Variants in CNOT6L observed in about 807,000 individuals in gnomAD.
CNOT6L encodes the protein CCR4-NOT transcription complex subunit 6-like.
CNOT6L carries 7 observed loss-of-function variants against 64.0 expected under a neutral mutation model. That is an observed-to-expected ratio of 0.11 (90% CI 0.06 to 0.21). The LOEUF is 0.21. Among genes scored for constraint, CNOT6L ranks in the 10% least tolerant of loss-of-function variants. CNOT6L has a pLI of 1.00. For synonymous variants in CNOT6L, 193 were observed against 243.4 expected, an observed-to-expected ratio of 0.79 and a Z score of 1.93; for missense variants, 245 against 669.0, an observed-to-expected ratio of 0.37 and a Z score of 6.99.
intron 11 of CNOT6L, among the ~76,000 whole-genome samples, chr4:77,721,449 C>A (rs1274931970): frequency 6.6e-6 from 1 of 152,100 alleles, no homozygotes; most frequent in African/African-American, 2.4e-5. Context: ...ATCAAGATAG[C>A]CTGAGCCCAA....
chr4:77,723,709 C>T (rs1300078364), intron 11 of CNOT6L, among the ~76,000 whole-genome samples: 1 of 152,122 alleles, frequency 6.6e-6, no homozygotes, highest in Non-Finnish European at 1.5e-5. Flanking sequence ...TACCTTTATC[C>T]TTCTCTCTGA....
chr4:77,734,635 C>T (rs867562806), intron 8 of CNOT6L, among the ~76,000 whole-genome samples: 1 of 152,144 alleles, frequency 6.6e-6, no homozygotes, highest in Non-Finnish European at 1.5e-5. Flanking sequence ...GCAATCTTTA[C>T]CTCAGTTAAG....
chr4:77,766,003 G>C (rs1726776958), intron 4 of CNOT6L, among the ~76,000 whole-genome samples: 1 of 152,086 alleles, frequency 6.6e-6, no homozygotes, highest in Non-Finnish European at 1.5e-5. Flanking sequence ...CTTTTTCTCT[G>C]ACCCAGGAAT....
intron 4 of CNOT6L, among the ~76,000 whole-genome samples, chr4:77,768,071 G>C (rs1727067418): frequency 6.6e-6 from 1 of 150,950 alleles, no homozygotes; most frequent in African/African-American, 2.4e-5. Flanking sequence ...TGATACAAGA[G>C]AATATATTTC....
intron 8 of CNOT6L, among the ~76,000 whole-genome samples, chr4:77,740,654 C>T (rs777731168): frequency 1.3e-5 from 2 of 152,062 alleles, no homozygotes; most frequent in Non-Finnish European, 2.9e-5. Context: ...ATAAACAATT[C>T]GAAAAGGCTG....
At chr4:77,776,444 A>G in intron 1 of CNOT6L, 52 bp from the exon 2 acceptor site, 1 of 1,306,366 alleles carries the variant, frequency 7.7e-7, no homozygotes, top group South Asian at 1.4e-5. Context: ...TCTTACTTTA[A>G]AAAAAGAGAA....
At chr4:77,797,540 A>G (rs1010676622) in intron 1 of CNOT6L, among the ~76,000 whole-genome samples, 1 of 152,234 alleles carries the variant, frequency 6.6e-6, no homozygotes, top group Non-Finnish European at 1.5e-5. Flanking sequence ...AGTGTGTTTA[A>G]GAAACCCTTA....
chr4:77,720,667 A>T lies in CNOT6L; in HGVS notation c.1456-24T>A, dbSNP rs1260885595. ...CCCTGGAAAGAGATTGGGAATAGGA[A>T]AAAAAGAAAAATTCAAGATATATAA... On this transcript the variant is annotated intron_variant, in intron 11 of 11. Transcript: ENST00000504123. The T allele has an allele frequency of 4.3e-6, 7 of 1,609,200 alleles. No homozygotes were observed. In the African/African-American group the frequency reaches 9.4e-5, roughly 22 times the overall value.
rs1721146116 is a variant in CNOT6L, at chr4:77,720,292, A to G, written c.*139T>C. The G allele has an allele frequency of 1.7e-5, 15 of 894,896 alleles. No homozygotes were observed. Among genetic ancestry groups the G allele is most frequent in the South Asian group, 1.5e-4 (8 of 53,532 alleles). The allele number at this position is 894,896 out of a possible 1,614,324, so 55.4% of individuals were successfully genotyped here. On this transcript the variant is annotated 3_prime_UTR_variant, in exon 12 of 12. Coordinates refer to ENST00000504123, the MANE Select transcript of CNOT6L (RefSeq NM_144571.3). The stretch of plus-strand genomic sequence containing the variant: ...GATACCAATATGCACAAAAATGTAC[A>G]AAGTCTTACAGCAAACACATAATGA...
At chr4:77,781,788 T>A (rs995681304) in intron 1 of CNOT6L, among the ~76,000 whole-genome samples, 4 of 152,222 alleles carry the variant, frequency 2.6e-5, no homozygotes, top group Non-Finnish European at 5.9e-5. Flanking sequence ...TTCTCTCTTA[T>A]CACCCTAAGT....
intron 4 of CNOT6L, among the ~76,000 whole-genome samples, chr4:77,762,147 G>T (rs896195858): frequency 6.6e-6 from 1 of 152,108 alleles, no homozygotes; most frequent in Non-Finnish European, 1.5e-5. Flanking sequence ...TTAAGGTATT[G>T]ATTATCCACA....
chr4:77,749,750 A>G (rs968514669), intron 5 of CNOT6L, among the ~76,000 whole-genome samples: 1 of 152,214 alleles, frequency 6.6e-6, no homozygotes, highest in Non-Finnish European at 1.5e-5. Flanking sequence ...TTTAAGTTCA[A>G]TAACATCCAG....
At position 77,778,420 on chromosome 4, in the gene CNOT6L, C is replaced by T. The variant is rs1208485062; in HGVS notation, c.6-2028G>A. On this transcript the variant is annotated intron_variant, in intron 1 of 11. Transcript: ENST00000504123. ...ATTTTAGATCTTTTTTTTTTTGAGACGGAGTTTTGCTCTGTCGCCCAGGCT... is the reference window on the plus strand; with the variant it reads ...ATTTTAGATCTTTTTTTTTTTGAGATGGAGTTTTGCTCTGTCGCCCAGGCT... Among the ~76,000 whole-genome samples the T allele has an allele frequency of 4.7e-5, 7 of 148,492 alleles. No individual in the cohort carries two copies. The South Asian group carries it at 6.3e-4, about 13-fold the overall frequency.
intron 4 of CNOT6L, among the ~76,000 whole-genome samples, chr4:77,762,085 G>A (rs895834612): frequency 2.0e-5 from 3 of 152,144 alleles, no homozygotes; most frequent in Non-Finnish European, 4.4e-5. Context: ...AAGAAGATCT[G>A]TGTAAATGAA....
chr4:77,803,007 G>A (rs1421449382), intron 1 of CNOT6L, among the ~76,000 whole-genome samples: 2 of 152,072 alleles, frequency 1.3e-5, no homozygotes. Context: ...ATGTCTATAA[G>A]GCAAAGAGCA....
chr4:77,805,897 T>C (rs1732159134), intron 1 of CNOT6L, among the ~76,000 whole-genome samples: 2 of 152,156 alleles, frequency 1.3e-5, no homozygotes, highest in African/African-American at 4.8e-5. Context: ...AGAGCCCAAA[T>C]TCAGGCAACG....
chr4:77,725,632 C>A (rs1372398156), intron 11 of CNOT6L, among the ~76,000 whole-genome samples: 1 of 152,042 alleles, frequency 6.6e-6, no homozygotes, highest in Non-Finnish European at 1.5e-5. Context: ...TATAAATACA[C>A]AGATATAAAG....
Position 77,714,973 on chromosome 4 carries a change from A to AAATT in CNOT6L, c.*5454_*5457dup, listed in dbSNP as rs1482935873. On this transcript the variant is annotated 3_prime_UTR_variant, in exon 12 of 12. Coordinates refer to ENST00000504123, the MANE Select transcript of CNOT6L (RefSeq NM_144571.3). ...TTGTGACTTCAGATAACTACAAACTAAATTAAATTGGTACATATAACAATT... is the reference window on the plus strand; with the variant it reads ...TTGTGACTTCAGATAACTACAAACTAAATTAATTAAATTGGTACATATAACAATT... 1 of 152,506 alleles carries AAATT rather than the reference A, an allele frequency of 6.6e-6. No homozygotes were observed. Among genetic ancestry groups the AAATT allele is most frequent in the Non-Finnish European group, 1.5e-5 (1 of 68,018 alleles). The allele number at this position is 152,506 out of a possible 1,614,324, so 9.4% of individuals were successfully genotyped here.
In CNOT6L at chr4:77,755,494, G is replaced by A. The variant is rs2903290; in HGVS notation, c.490+1368C>T. On this transcript the variant is annotated intron_variant, in intron 5 of 11. Transcript: ENST00000504123. ...CTCCCAAAGTGCTGGGATTACAGGC[G>A]TGAGCCACCATGCCCGGCCGAGATA... is the stretch of plus-strand genomic sequence containing the variant. 2.2e-3 allele frequency among the ~76,000 whole-genome samples: 331 copies of A among 152,082 alleles called. 3 individuals carry two copies. The highest frequency in any genetic ancestry group is 0.01 in the Middle Eastern group (3 of 294).
Sources: gnomAD v4.1 joint callset for allele counts (sites outside exome capture counted in the v4.1 genomes callset) on GRCh38, gnomAD v4.1.1 for gene constraint, MANE v1.5 for transcripts, NCBI Gene and HGNC (gene_info 2026-07-23, HGNC 2026-07-21) for gene names.